The following ERC2 variants were observed in gnomAD, a reference collection of about 807,000 sequenced individuals.
ERC2 encodes ELKS/RAB6-interacting/CAST family member 2.
A neutral mutation model predicts 114.8 loss-of-function variants in ERC2; 42 were observed. That is an observed-to-expected ratio of 0.37 (90% CI 0.29 to 0.47). The LOEUF is 0.47. ERC2 is among the 20% of genes least tolerant of loss of function. ERC2 has a pLI of 0.99. For synonymous variants in ERC2, 454 were observed against 425.5 expected (o/e 1.07, Z -0.82); for missense variants, 939 against 1,150.7 (o/e 0.82, Z 2.66).
intron 11 of ERC2, among the ~76,000 whole-genome samples, chr3:55,986,653 T>C (rs976710378): frequency 1.3e-5 from 2 of 152,122 alleles, no homozygotes; most frequent in Non-Finnish European, 2.9e-5. Flanking sequence ...CTTTCCAAGC[T>C]GAGAGTGATT....
At chr3:55,828,477 G>GCAGCAGGGGCAGCAGGCA (rs548837114) in intron 14 of ERC2, among the ~76,000 whole-genome samples, 374 of 108,934 alleles carry the variant, frequency 3.4e-3, no homozygotes, top group Middle Eastern at 0.02. Flanking sequence ...GGCAGCAGGG[G>GCAGCAGGGGCAGCAGGCA]CAGCAGGGGC....
At chr3:56,144,988 A>G (rs2081063275) in intron 5 of ERC2, among the ~76,000 whole-genome samples, 1 of 152,212 alleles carries the variant, frequency 6.6e-6, no homozygotes, top group Admixed American at 6.5e-5. Flanking sequence ...CAGCCAGAAG[A>G]AAAGCCAATC....
At chr3:55,697,064 G>A (rs1490413418) in intron 16 of ERC2, among the ~76,000 whole-genome samples, 2 of 152,146 alleles carry the variant, frequency 1.3e-5, no homozygotes, top group African/African-American at 4.8e-5. Context: ...TGATTGACAT[G>A]AACCAGAAAA....
chr3:56,078,785 A>G lies in ERC2; in HGVS notation c.1641+2032T>C, dbSNP rs76474702. On this transcript the variant is annotated intron_variant, in intron 7 of 17. Coordinates refer to ENST00000288221, the MANE Select transcript of ERC2 (RefSeq NM_015576.3). ...CTTTTGGGTACTAAACATACGGGGG[A>G]AAAGTCTGCCTTTTTGGAATTTACA... Among the ~76,000 whole-genome samples the G allele has an allele frequency of 5.6e-4, 85 of 151,716 alleles. No homozygotes were observed. The East Asian group carries it at 0.014, about 24-fold the overall frequency.
chr3:55,625,385 A>G (rs1367323286), intron 17 of ERC2, among the ~76,000 whole-genome samples: 4 of 151,786 alleles, frequency 2.6e-5, no homozygotes, highest in South Asian at 2.1e-4. Context: ...AAAAAAAAAA[A>G]AAAAAGAAAA....
intron 10 of ERC2, among the ~76,000 whole-genome samples, chr3:55,997,169 A>C (rs534458288): frequency 1.1e-3 from 164 of 152,270 alleles, no homozygotes; most frequent in African/African-American, 3.7e-3. Flanking sequence ...AAAATAAACA[A>C]ATAATTAATC....
intron 17 of ERC2, among the ~76,000 whole-genome samples, chr3:55,621,599 C>T (rs978300952): frequency 3.3e-5 from 5 of 152,164 alleles, no homozygotes; most frequent in Admixed American, 3.3e-4. Context: ...ACACAGACAC[C>T]TTGATAATTA....
At chr3:55,640,401 C>T (rs535383259) in intron 17 of ERC2, among the ~76,000 whole-genome samples, 1 of 152,202 alleles carries the variant, frequency 6.6e-6, no homozygotes, top group Non-Finnish European at 1.5e-5. Context: ...GAAAGAGAAA[C>T]CCCACAGACA....
chr3:55,745,186 T>A (rs1054974764), intron 14 of ERC2, among the ~76,000 whole-genome samples: 1 of 152,220 alleles, frequency 6.6e-6, no homozygotes, highest in African/African-American at 2.4e-5. Context: ...AGGAGTCTGC[T>A]GACCACAGAA....
Position 56,417,794 on chromosome 3 carries a change from A to G in ERC2, c.657+16557T>C, listed in dbSNP as rs373307718. On this transcript the variant is annotated intron_variant, in intron 2 of 17. Transcript: ENST00000288221. ...ACACCATGTTGCCAGTTCTGCTCAC[A>G]GAAACTCTTTGAACAGGCAGCATAT... Among the ~76,000 whole-genome samples, 5 of 152,336 alleles carry G rather than the reference A, an allele frequency of 3.3e-5. No individual in the cohort carries two copies. The East Asian group carries it at 9.6e-4, about 29-fold the overall frequency.
At chr3:55,560,368 G>T (rs1473763540) in intron 17 of ERC2, among the ~76,000 whole-genome samples, 1 of 152,230 alleles carries the variant, frequency 6.6e-6, no homozygotes, top group Admixed American at 6.5e-5. Flanking sequence ...CTCAACTGCA[G>T]TACTATTGAC....
intron 13 of ERC2, among the ~76,000 whole-genome samples, chr3:55,923,965 C>T (rs899086961): frequency 6.6e-6 from 1 of 152,108 alleles, no homozygotes; most frequent in Non-Finnish European, 1.5e-5. Context: ...AGGTGGCAAT[C>T]TATTTATTTT....
intron 2 of ERC2, among the ~76,000 whole-genome samples, chr3:56,419,485 T>C (rs574053647): frequency 7.5e-4 from 114 of 152,340 alleles, no homozygotes; most frequent in African/African-American, 2.6e-3. Context: ...CTCCAGTATA[T>C]TGTATCTGAA....
chr3:56,032,947 GAAA>G (rs1560056721), intron 7 of ERC2, among the ~76,000 whole-genome samples: 2 of 63,116 alleles, frequency 3.2e-5, no homozygotes, highest in African/African-American at 9.6e-5. Context: ...AAGAAAGAAA[GAAA>G]GAAAGAAACA....
chr3:56,369,706 C>G (rs1220364131), intron 2 of ERC2, among the ~76,000 whole-genome samples: 7 of 150,228 alleles, frequency 4.7e-5, no homozygotes, highest in Admixed American at 4.6e-4. Flanking sequence ...GAGACGGAGT[C>G]TCGCTCTTTT....
chr3:55,605,145 T>C (rs2058588740), intron 17 of ERC2, among the ~76,000 whole-genome samples: 3 of 152,116 alleles, frequency 2.0e-5, no homozygotes, highest in Non-Finnish European at 4.4e-5. Flanking sequence ...TGAGACGGTC[T>C]CACTCTGTCG....
At chr3:55,833,602 G>A (rs1374751839) in intron 14 of ERC2, among the ~76,000 whole-genome samples, 2 of 152,178 alleles carry the variant, frequency 1.3e-5, no homozygotes, top group African/African-American at 2.4e-5. Flanking sequence ...AAGAGCTCCT[G>A]AAGGAAGCAC....
chr3:56,235,142 C>T (rs1444970804), intron 3 of ERC2, among the ~76,000 whole-genome samples: 1 of 152,142 alleles, frequency 6.6e-6, no homozygotes, highest in East Asian at 1.9e-4. Context: ...ACCTCTCCCC[C>T]TACCCCCAAT....
At chr3:55,735,662 A>G (rs1404126655) in intron 14 of ERC2, among the ~76,000 whole-genome samples, 1 of 152,134 alleles carries the variant, frequency 6.6e-6, no homozygotes, top group Non-Finnish European at 1.5e-5. Context: ...AGTTTCCATC[A>G]TATGAACTTT....
Sources: allele counts gnomAD v4.1 joint callset (sites outside exome capture counted in the v4.1 genomes callset), GRCh38; gene constraint gnomAD v4.1.1; transcripts MANE v1.5; gene names NCBI Gene and HGNC (gene_info 2026-07-23, HGNC 2026-07-21).